The following TMPRSS6 variants were observed in gnomAD, a reference collection of about 807,000 sequenced individuals.
TMPRSS6 encodes the protein transmembrane protease serine 6.
In TMPRSS6, 67 loss-of-function variants were observed where a neutral mutation model predicts 101.5. That is an observed-to-expected ratio of 0.66 (90% confidence interval 0.54 to 0.81). TMPRSS6 has a LOEUF of 0.81. Ranked by LOEUF, TMPRSS6 falls within the 30% of genes least tolerant of loss-of-function variation. The pLI, the probability that TMPRSS6 is intolerant of heterozygous loss-of-function variation, is 0.00. For missense variants in TMPRSS6, 1,034 were observed against 1,088.7 expected, an observed-to-expected ratio of 0.95 and a Z score of 0.71; for synonymous variants, 453 against 464.9, an observed-to-expected ratio of 0.97 and a Z score of 0.33.
chr22:37,092,976 T>C lies in TMPRSS6; in HGVS notation c.631+2575A>G, dbSNP rs1929404751. On this transcript the variant is annotated intron_variant, in intron 6 of 17. Transcript: ENST00000676104. ...GGGCCTCTATTCTCACACTGGCACC[T>C]GGTGTTATGAGAATCTGTTTATGTG... Among the ~76,000 whole-genome samples, 3 of 152,218 alleles carry C rather than the reference T, an allele frequency of 2.0e-5. No homozygotes were observed. In the South Asian group the frequency reaches 6.2e-4, roughly 32 times the overall value.
chr22:37,098,837 A>G (rs1054761118), intron 2 of TMPRSS6, among the ~76,000 whole-genome samples: 3 of 152,202 alleles, frequency 2.0e-5, no homozygotes, highest in Non-Finnish European at 4.4e-5. Context: ...TGACCAGTCC[A>G]GGACACCAAT....
At chr22:37,068,595 C>G (rs760408577) in intron 16 of TMPRSS6, 3 of 779,622 alleles carry the variant, frequency 3.8e-6, no homozygotes, top group Middle Eastern at 2.3e-4. Context: ...TGCTCCAGTC[C>G]TCTCTGGCTG....
chr22:37,098,115 G>A (rs1261222899), intron 3 of TMPRSS6, among the ~76,000 whole-genome samples: 2 of 151,438 alleles, frequency 1.3e-5, no homozygotes, highest in Non-Finnish European at 2.9e-5. Context: ...CCACCGTCCT[G>A]TAACGGAGGG....
chr22:37,077,165 C>T (rs914337502), intron 10 of TMPRSS6, among the ~76,000 whole-genome samples: 5 of 152,170 alleles, frequency 3.3e-5, no homozygotes, highest in African/African-American at 1.2e-4. Context: ...TCAAGCAGCA[C>T]CTCCACCCAG....
intron 6 of TMPRSS6, among the ~76,000 whole-genome samples, 193 bp downstream of exon 6, chr22:37,095,358 C>T (rs1343969115): frequency 6.6e-6 from 1 of 152,114 alleles, no homozygotes; most frequent in Non-Finnish European, 1.5e-5. Context: ...CACGTCGCCA[C>T]CTCCTCTCCC....
chr22:37,084,153 C>A, intron 10 of TMPRSS6, 142 bp downstream of exon 10: 2 of 763,534 alleles, frequency 2.6e-6, no homozygotes, highest in South Asian at 3.3e-5. Context: ...AGGCCTGACA[C>A]CAGCCCCAGC....
chr22:37,070,479 C>T lies in TMPRSS6; in HGVS notation c.1841+5G>A. On this transcript the variant is annotated splice_donor_5th_base_variant and intron_variant, in intron 15 of 17. Transcript: ENST00000676104. ...CTGCCTAGGCCCCCACACCCTCCCG[C>T]TCACCTGTCCTCCTGGAAGCAGTGG... 5 of 1,613,462 alleles carry T rather than the reference C, an allele frequency of 3.1e-6. No homozygotes were observed. Among genetic ancestry groups the T allele is most frequent in the Non-Finnish European group, 4.2e-6 (5 of 1,179,958 alleles).
chr22:37,070,382 C>CGG, intron 15 of TMPRSS6, 102 bp downstream of exon 15: 1 of 1,471,922 alleles, frequency 6.8e-7, no homozygotes, highest in Non-Finnish European at 9.5e-7. Flanking sequence ...GGGTCCACCA[C>CGG]CCTTCCCTCT....
chr22:37,095,844 A>G, intron 5 of TMPRSS6, 62 bp downstream of exon 5: 1 of 1,603,312 alleles, frequency 6.2e-7, no homozygotes, highest in Non-Finnish European at 8.5e-7. Flanking sequence ...CCCGGGCCAC[A>G]CCACAGCTTG....
At chr22:37,098,389 C>G (rs775117432) in intron 3 of TMPRSS6, 27 bp downstream of exon 3, 2 of 1,613,852 alleles carry the variant, frequency 1.2e-6, no homozygotes, top group Non-Finnish European at 1.7e-6. Flanking sequence ...ATATTCCCTC[C>G]CTCTCATCCC....
At chr22:37,109,267 T>C (rs1008525102) in intron 1 of TMPRSS6, 1 of 152,684 alleles carries the variant, frequency 6.5e-6, no homozygotes, top group Non-Finnish European at 1.5e-5. Context: ...CCAGCACTGA[T>C]GCTGTGCCTG....
chr22:37,079,868 A>G (rs1928122083), intron 10 of TMPRSS6, among the ~76,000 whole-genome samples: 1 of 152,224 alleles, frequency 6.6e-6, no homozygotes, highest in Admixed American at 6.5e-5. Flanking sequence ...TGAAGTTCCT[A>G]CTAAGTGTCT....
Position 37,106,455 on chromosome 22 carries a change from G to A in TMPRSS6, c.-1-3037C>T, listed in dbSNP as rs573234466. ...TTTTGCCTCCCTCTAAATGCCCCTC[G>A]CATCCATCTGGGAGGACTTTGAGCA... On this transcript the variant is annotated intron_variant, in intron 1 of 17. Transcript: ENST00000676104. Among the ~76,000 whole-genome samples the A allele has an allele frequency of 3.3e-5, 5 of 151,994 alleles. No homozygotes were observed. The East Asian group carries it at 7.8e-4, about 24-fold the overall frequency.
intron 1 of TMPRSS6, among the ~76,000 whole-genome samples, chr22:37,104,733 A>T (rs914675584): frequency 6.6e-6 from 1 of 152,088 alleles, no homozygotes; most frequent in Non-Finnish European, 1.5e-5. Context: ...GGCTGAGGTG[A>T]GTGGATCACC....
chr22:37,075,229 C>T lies in TMPRSS6; in HGVS notation c.1248G>A (p.Val416=). Residue 416 remains valine (V), a synonymous_variant, in exon 11 of 18, where the codon GTG becomes GTA. Transcript: ENST00000676104. ...LQPYAERIPV[V]ATAGITINFT... is the part of the protein sequence containing the mutation. ...AGTTGATGGTGATCCCGGCCGTGGC[C>T]ACCACGGGGATCCTCTCGGCGTAGG... 2 of 1,613,792 alleles carry T rather than the reference C, an allele frequency of 1.2e-6. No homozygotes were observed. Among genetic ancestry groups the T allele is most frequent in the Non-Finnish European group, 1.7e-6 (2 of 1,180,042 alleles).
intron 10 of TMPRSS6, among the ~76,000 whole-genome samples, chr22:37,079,161 C>T (rs1188896038): frequency 6.6e-6 from 1 of 152,172 alleles, no homozygotes; most frequent in African/African-American, 2.4e-5. Flanking sequence ...GGTGCACATT[C>T]TCTGGCTCTC....
chr22:37,086,073 C>T (rs924962766), intron 8 of TMPRSS6, among the ~76,000 whole-genome samples: 5 of 133,888 alleles, frequency 3.7e-5, no homozygotes, highest in Admixed American at 2.6e-4. Context: ...AATGGTAGGA[C>T]GGTCAAGGGG....
chr22:37,084,548 T>C (rs1928537868), intron 9 of TMPRSS6, 144 bp from the exon 10 acceptor site: 1 of 819,466 alleles, frequency 1.2e-6, no homozygotes. Context: ...GGCATTGCTG[T>C]GACCCACAGA....
rs544919020 is a variant in TMPRSS6 at position 37,079,222 on chromosome 22, C to T, written c.1197-3942G>A. On this transcript the variant is annotated intron_variant, in intron 10 of 17. Coordinates refer to ENST00000676104, the MANE Select transcript of TMPRSS6 (RefSeq NM_001374504.1). ...CCCCTCTAGCCCTCTCCAAGAAGCA[C>T]CAGAAGCCTGACTGCTGCGATGCCT... 7.9e-5 allele frequency among the ~76,000 whole-genome samples: 12 copies of T among 152,344 alleles called. No homozygotes were observed. In the South Asian group the frequency reaches 2.5e-3, roughly 32 times the overall value.
Sources: gnomAD v4.1 joint callset for allele counts (sites outside exome capture counted in the v4.1 genomes callset) on GRCh38, gnomAD v4.1.1 for gene constraint, MANE v1.5 for transcripts, NCBI Gene and HGNC (gene_info 2026-07-23, HGNC 2026-07-21) for gene names.